The following ALK variants were observed in gnomAD, a reference collection of about 807,000 sequenced individuals.
The protein encoded by ALK is ALK receptor tyrosine kinase.
Under a neutral mutation model 163.1 loss-of-function variants are expected in ALK, and 74 were observed. The observed-to-expected ratio is 0.45, with a 90% CI of 0.38 to 0.55. The LOEUF (loss-of-function observed/expected upper bound fraction) is 0.55, where lower values mean the gene tolerates loss of function less well. Ranked by LOEUF, ALK falls within the 20% of genes least tolerant of loss-of-function variation. The probability of loss-of-function intolerance (pLI) is 0.00; values close to 1 mark genes in which losing one functional copy is unlikely to be tolerated. For synonymous variants in ALK, 960 were observed against 843.2 expected (o/e 1.14, Z -2.40); for missense variants, 2,063 against 2,105.3 (o/e 0.98, Z 0.39).
chr2:29,400,342 C>T (rs1275501693), intron 4 of ALK, among the ~76,000 whole-genome samples: 2 of 152,148 alleles, frequency 1.3e-5, no homozygotes, highest in Non-Finnish European at 2.9e-5. Context: ...GGGGTGACAG[C>T]ACTCTGTTTT....
At chr2:29,406,162 C>T (rs1027350732) in intron 4 of ALK, among the ~76,000 whole-genome samples, 14 of 152,312 alleles carry the variant, frequency 9.2e-5, no homozygotes, top group East Asian at 5.8e-4. Context: ...CTGATGAGCA[C>T]GACCTTGGGA....
intron 4 of ALK, among the ~76,000 whole-genome samples, chr2:29,495,768 C>T (rs1672007661): frequency 6.6e-6 from 1 of 152,124 alleles, no homozygotes; most frequent in Non-Finnish European, 1.5e-5. Context: ...GAACATTGAC[C>T]CAGATTTTTC....
intron 3 of ALK, among the ~76,000 whole-genome samples, chr2:29,658,956 A>G (rs1677269948): frequency 6.6e-6 from 1 of 152,144 alleles, no homozygotes. Flanking sequence ...TGAAGTTTTC[A>G]GCAAAACGAA....
chr2:29,812,684 T>G (rs903405632), intron 1 of ALK, among the ~76,000 whole-genome samples: 6 of 152,206 alleles, frequency 3.9e-5, no homozygotes, highest in Non-Finnish European at 7.3e-5. Flanking sequence ...ACCCCTGATC[T>G]GGCTGATGGT....
rs974849373 is a variant in ALK at position 29,735,987 on chromosome 2, G to A, written c.668-18290C>T. On this transcript the variant is annotated intron_variant, in intron 1 of 28. Coordinates refer to ENST00000389048, the MANE Select transcript of ALK (RefSeq NM_004304.5). ...GAGATTATAATTACCCCTATTTTGC[G>A]TATAAGAAAACTGAGCCATCGAAAA... Among the ~76,000 whole-genome samples the A allele has an allele frequency of 5.3e-5, 8 of 151,932 alleles. No individual in the cohort carries two copies. The East Asian group carries it at 5.8e-4, about 11-fold the overall frequency.
chr2:29,257,925 A>G (rs1664990091), intron 11 of ALK, among the ~76,000 whole-genome samples: 1 of 152,134 alleles, frequency 6.6e-6, no homozygotes, highest in East Asian at 1.9e-4. Context: ...TGCAACCTCC[A>G]TCTCCTGGGC....
At chr2:29,769,089 C>T (rs575458770) in intron 1 of ALK, among the ~76,000 whole-genome samples, 38 of 152,284 alleles carry the variant, frequency 2.5e-4, no homozygotes, top group African/African-American at 8.9e-4. Context: ...CCACCTCGTC[C>T]TCCCAAAGTG....
intron 1 of ALK, among the ~76,000 whole-genome samples, chr2:29,795,911 A>G (rs1205696006): frequency 6.6e-6 from 1 of 152,190 alleles, no homozygotes; most frequent in African/African-American, 2.4e-5. Context: ...TATTCCAATT[A>G]TTACTTTGCA....
chr2:29,321,023 T>C, intron 6 of ALK, 141 bp from the exon 7 acceptor site: 4 of 1,068,742 alleles, frequency 3.7e-6, no homozygotes, highest in Middle Eastern at 2.3e-4. Flanking sequence ...GGATGACTAA[T>C]GACACTGATT....
At chr2:29,409,080 A>G (rs1200035197) in intron 4 of ALK, among the ~76,000 whole-genome samples, 1 of 152,186 alleles carries the variant, frequency 6.6e-6, no homozygotes, top group Non-Finnish European at 1.5e-5. Flanking sequence ...ATGCCATCTC[A>G]TCAGTGAATA....
intron 3 of ALK, among the ~76,000 whole-genome samples, chr2:29,679,357 T>C (rs1038784876): frequency 6.6e-6 from 1 of 151,364 alleles, no homozygotes; most frequent in African/African-American, 2.4e-5. Flanking sequence ...TCTTTCTTCC[T>C]TTTTTTTCAG....
chr2:29,919,546 T>C (rs1308969903), intron 1 of ALK, among the ~76,000 whole-genome samples: 3 of 152,136 alleles, frequency 2.0e-5, no homozygotes, highest in Non-Finnish European at 2.9e-5. Flanking sequence ...GAAGAGAAAT[T>C]CTATATTCCC....
chr2:29,299,858 A>G (rs1666314841), intron 8 of ALK, among the ~76,000 whole-genome samples: 2 of 152,220 alleles, frequency 1.3e-5, no homozygotes, highest in African/African-American at 4.8e-5. Flanking sequence ...GAAGGTGGGA[A>G]GGGTGTTCCA....
intron 12 of ALK, among the ~76,000 whole-genome samples, chr2:29,243,883 A>G (rs1396138682): frequency 6.6e-6 from 1 of 152,244 alleles, no homozygotes. Context: ...ACTGCTCTCA[A>G]TGAGCTGATG....
At chr2:29,750,664 G>GC in intron 1 of ALK, among the ~76,000 whole-genome samples, 1 of 127,962 alleles carries the variant, frequency 7.8e-6, no homozygotes, top group African/African-American at 2.8e-5. Context: ...AGGAAGGAAG[G>GC]AAGGAAGGAA....
intron 3 of ALK, among the ~76,000 whole-genome samples, chr2:29,536,311 T>C (rs956935960): frequency 1.3e-5 from 2 of 149,656 alleles, no homozygotes; most frequent in Non-Finnish European, 2.9e-5. Flanking sequence ...ATGTGAGTTC[T>C]TACTCAGTTA....
At chr2:29,699,706 G>A (rs763341906) in intron 2 of ALK, among the ~76,000 whole-genome samples, 6 of 151,874 alleles carry the variant, frequency 4.0e-5, no homozygotes, top group Non-Finnish European at 7.4e-5. Context: ...ACCTTTTTTT[G>A]TTTTAACCCA....
chr2:29,865,032 A>ATC (rs879542679), intron 1 of ALK, among the ~76,000 whole-genome samples: 19 of 152,308 alleles, frequency 1.2e-4, no homozygotes, highest in Admixed American at 7.2e-4. Flanking sequence ...TACTGAGTTC[A>ATC]ATGGGCTTTT....
At chr2:29,352,393 C>T (rs575988133) in intron 5 of ALK, among the ~76,000 whole-genome samples, 21 of 152,338 alleles carry the variant, frequency 1.4e-4, no homozygotes, top group East Asian at 3.9e-4. Context: ...GCTAGGGCCA[C>T]GTGGTCACGA....
Sources: allele counts gnomAD v4.1 joint callset (sites outside exome capture counted in the v4.1 genomes callset), GRCh38; gene constraint gnomAD v4.1.1; transcripts MANE v1.5; gene names NCBI Gene and HGNC (gene_info 2026-07-23, HGNC 2026-07-21).